The following CENPI variants were observed in gnomAD, a reference collection of about 807,000 sequenced individuals.
The protein encoded by CENPI is FSH primary response 1.
A neutral mutation model predicts 60.4 loss-of-function variants in CENPI; 4 were observed. The observed-to-expected ratio is 0.07, with a 90% CI of 0.03 to 0.15. The LOEUF (loss-of-function observed/expected upper bound fraction) is 0.15, where lower values mean the gene tolerates loss of function less well. CENPI is among the 10% of genes least tolerant of loss of function. The pLI, the probability that CENPI is intolerant of heterozygous loss-of-function variation, is 1.00. For synonymous variants in CENPI, 157 were observed against 189.4 expected, an observed-to-expected ratio of 0.83 and a Z score of 1.40; for missense variants, 444 against 534.5, an observed-to-expected ratio of 0.83 and a Z score of 1.67.
chrX:101,100,819 A>T (rs1569496945), intron 2 of CENPI: 5 of 356,327 alleles, frequency 1.4e-5, no homozygotes, highest in East Asian at 1.3e-4. Flanking sequence ...TTCCACTAGA[A>T]AGCTAGTTCA....
chrX:101,125,438 C>T (rs2089724725), intron 8 of CENPI, among the ~76,000 whole-genome samples: 1 of 111,285 alleles, frequency 9.0e-6, no homozygotes, highest in South Asian at 3.8e-4. Context: ...ACTCCATCAC[C>T]TAGGCTGGAG....
At chrX:101,158,400 C>T (rs754408731) in intron 20 of CENPI, among the ~76,000 whole-genome samples, 3 of 106,989 alleles carry the variant, frequency 2.8e-5, no homozygotes, top group Admixed American at 2.0e-4. Flanking sequence ...GTTTCAGCCT[C>T]CCGAATATCT....
Position 101,164,323 on chromosome X carries a change from CG to C in CENPI, c.*1359del, listed in dbSNP as rs1377451558. ...ACAGTTGTGACCAATACAAAGTACC[CG>C]GGTTTTTGTTTTTGTTTTTGTTTTT... On this transcript the variant is annotated 3_prime_UTR_variant, in exon 22 of 22. Coordinates refer to ENST00000682095, the MANE Select transcript of CENPI (RefSeq NM_001386188.2). Among the ~76,000 whole-genome samples the C allele has an allele frequency of 9.0e-6, 1 of 110,615 alleles. No homozygotes were observed. The highest frequency in any genetic ancestry group is 9.7e-5 in the Admixed American group (1 of 10,266).
intron 13 of CENPI, among the ~76,000 whole-genome samples, chrX:101,130,735 C>T (rs772991470): frequency 2.7e-5 from 3 of 111,918 alleles, no homozygotes; most frequent in South Asian, 7.4e-4. Flanking sequence ...TATGTTCCAG[C>T]CAATGGACTA....
At chrX:101,157,829 G>A (rs1172613091) in intron 20 of CENPI, among the ~76,000 whole-genome samples, 1 of 109,753 alleles carries the variant, frequency 9.1e-6, no homozygotes, top group Non-Finnish European at 1.9e-5. Flanking sequence ...ATCTCTTCTA[G>A]CCACTTTGAA....
intron 20 of CENPI, among the ~76,000 whole-genome samples, chrX:101,149,570 G>A (rs1183370433): frequency 6.6e-5 from 7 of 105,906 alleles, no homozygotes; most frequent in Non-Finnish European, 1.4e-4. Flanking sequence ...GCAGTGGTGC[G>A]ATCTTGGCTC....
intron 4 of CENPI, among the ~76,000 whole-genome samples, chrX:101,103,085 T>C (rs918351749): frequency 2.9e-5 from 3 of 105,154 alleles, no homozygotes; most frequent in Non-Finnish European, 5.8e-5. Context: ...ACCTCCACTT[T>C]CCGGGTTCAA....
At chrX:101,177,496 C>T in the CENPI span, among the ~76,000 whole-genome samples, 2 of 111,693 alleles carry the variant, frequency 1.8e-5, no homozygotes, top group Non-Finnish European at 3.8e-5. Context: ...GACCTGTCCT[C>T]AGTTCCCCAG....
chrX:101,124,614 C>T lies in CENPI; in HGVS notation c.688-2095C>T, dbSNP rs758389887. On this transcript the variant is annotated intron_variant, in intron 8 of 21. Transcript: ENST00000682095. ...TATAATTCCCATAATCCCCACATGT[C>T]GTGGGAGGGACCCAATGGGAGGTAG... Among the ~76,000 whole-genome samples, 218 of 111,194 alleles carry T rather than the reference C, an allele frequency of 2.0e-3. 2 individuals carry two copies. The highest frequency in any genetic ancestry group is 1.6e-3 in the Non-Finnish European group (85 of 53,005).
intron 4 of CENPI, 32 bp from the exon 5 acceptor site, chrX:101,109,441 A>G (rs1436966905): frequency 9.8e-7 from 1 of 1,022,538 alleles, no homozygotes; most frequent in East Asian, 3.0e-5. Context: ...AGACACTAAA[A>G]TGTAGTTTAA....
chrX:101,178,398 C>CTTCTTTTTTTTT, the CENPI span, among the ~76,000 whole-genome samples: 27 of 39,978 alleles, frequency 6.8e-4, no homozygotes, highest in Non-Finnish European at 1.2e-3. Flanking sequence ...TTTTCTTCTT[C>CTTCTTTTTTTTT]TTTTTTTTTT....
chrX:101,156,049 G>A (rs770284461), intron 20 of CENPI, among the ~76,000 whole-genome samples: 64 of 108,791 alleles, frequency 5.9e-4, no homozygotes, highest in African/African-American at 1.9e-3. Context: ...TTTCACTCTC[G>A]TCACCCAGGC....
chrX:101,173,314 C>T, the CENPI span, among the ~76,000 whole-genome samples: 10 of 50,477 alleles, frequency 2.0e-4, no homozygotes, highest in Admixed American at 3.1e-4. Context: ...TGCCTGGCCT[C>T]TTTTTTTTTT....
chrX:101,143,239 A>G (rs773813942), intron 16 of CENPI, among the ~76,000 whole-genome samples: 4 of 110,470 alleles, frequency 3.6e-5, no homozygotes, highest in African/African-American at 9.9e-5. Flanking sequence ...AAGATTATAC[A>G]TGTTCTTTTC....
chrX:101,180,735 T>G, the CENPI span, among the ~76,000 whole-genome samples: 1 of 111,734 alleles, frequency 8.9e-6, no homozygotes. Context: ...TTATCTCTTA[T>G]ATTTAGGTAT....
intron 2 of CENPI, chrX:101,100,495 A>G (rs1055286022): frequency 8.9e-6 from 1 of 112,644 alleles, no homozygotes; most frequent in African/African-American, 3.2e-5. Flanking sequence ...TGCTCACTGC[A>G]GCCTTCACCT....
chrX:101,134,766 G>A (rs191596022), intron 15 of CENPI, among the ~76,000 whole-genome samples: 1 of 111,575 alleles, frequency 9.0e-6, no homozygotes, highest in East Asian at 2.8e-4. Flanking sequence ...GCTCATGCCT[G>A]TAATCCCAGC....
At chrX:101,138,343 T>C (rs72615568) in intron 15 of CENPI, among the ~76,000 whole-genome samples, 23,045 of 97,969 alleles carry the variant, frequency 0.24, 1,927 homozygotes, top group South Asian at 0.35. Flanking sequence ...GAATTAAAGA[T>C]TTTTTTTTTT....
chrX:101,158,366 C>G (rs188477132), intron 20 of CENPI, among the ~76,000 whole-genome samples: 1 of 105,417 alleles, frequency 9.5e-6, no homozygotes, highest in East Asian at 3.0e-4. Context: ...CAACCTCCGC[C>G]TCCTGGGTTC....
Sources: allele counts gnomAD v4.1 joint callset (sites outside exome capture counted in the v4.1 genomes callset), GRCh38; gene constraint gnomAD v4.1.1; transcripts MANE v1.5; gene names NCBI Gene and HGNC (gene_info 2026-07-23, HGNC 2026-07-21).